DMD: variants seen among roughly 807,000 people sequenced by gnomAD.
DMD encodes the protein mutant dystrophin.
In DMD, 63 loss-of-function variants were observed where a neutral mutation model predicts 330.1. That is an observed-to-expected ratio of 0.19 (90% confidence interval 0.16 to 0.24). The LOEUF (loss-of-function observed/expected upper bound fraction) is 0.24, where lower values mean the gene tolerates loss of function less well. DMD is among the 10% of genes least tolerant of loss of function. DMD has a pLI of 1.00. For synonymous variants in DMD, 1,223 were observed against 959.8 expected (o/e 1.27, Z -5.07); for missense variants, 3,344 against 2,684.1 (o/e 1.25, Z -5.43).
At chrX:32,620,946 C>A (rs1383260992) in intron 11 of DMD, among the ~76,000 whole-genome samples, 1 of 111,408 alleles carries the variant, frequency 9.0e-6, no homozygotes, top group Non-Finnish European at 1.9e-5. Flanking sequence ...CATTAATTTA[C>A]GAAATATACA....
chrX:31,665,545 T>C (rs1238287076), intron 53 of DMD, among the ~76,000 whole-genome samples: 1 of 111,898 alleles, frequency 8.9e-6, no homozygotes, highest in Non-Finnish European at 1.9e-5. Flanking sequence ...ATTAAACCTC[T>C]GACATTACCA....
At chrX:32,647,007 T>C (rs2059824771) in intron 9 of DMD, among the ~76,000 whole-genome samples, 1 of 110,684 alleles carries the variant, frequency 9.0e-6, no homozygotes, top group African/African-American at 3.3e-5. Context: ...CTCTAAATAC[T>C]ATTAATAATA....
chrX:31,842,511 G>GA (rs1232411862), intron 48 of DMD, among the ~76,000 whole-genome samples: 2 of 111,217 alleles, frequency 1.8e-5, no homozygotes, highest in Non-Finnish European at 3.8e-5. Context: ...AATCTTTTGT[G>GA]AAAAAAATCA....
chrX:32,320,596 G>A (rs1271511748), intron 41 of DMD, among the ~76,000 whole-genome samples: 1 of 111,018 alleles, frequency 9.0e-6, no homozygotes, highest in Non-Finnish European at 1.9e-5. Flanking sequence ...TATAGAAAAG[G>A]TTAATACCAA....
chrX:33,143,072 C>T (rs1315522221), intron 1 of DMD, among the ~76,000 whole-genome samples: 2 of 111,514 alleles, frequency 1.8e-5, no homozygotes, highest in Non-Finnish European at 3.8e-5. Context: ...TTTTTATTAT[C>T]ATAATCATCA....
chrX:32,187,448 T>C (rs1351047219), intron 44 of DMD, among the ~76,000 whole-genome samples: 1 of 111,577 alleles, frequency 9.0e-6, no homozygotes, highest in East Asian at 2.8e-4. Flanking sequence ...CCCCAGAAAG[T>C]TGGAGTCACA....
At chrX:33,189,845 T>C (rs759340319) in intron 1 of DMD, among the ~76,000 whole-genome samples, 27 of 112,081 alleles carry the variant, frequency 2.4e-4, no homozygotes, top group Non-Finnish European at 4.3e-4. Flanking sequence ...TCTCTTTAAA[T>C]GAATGAAATT....
chrX:32,018,178 G>T (rs190637469), intron 44 of DMD, among the ~76,000 whole-genome samples: 1 of 111,505 alleles, frequency 9.0e-6, no homozygotes, highest in Non-Finnish European at 1.9e-5. Flanking sequence ...AAGTCAGCAT[G>T]CTTAATACTG....
At chrX:32,571,467 GGTCAACA>G (rs1381960955) in intron 15 of DMD, among the ~76,000 whole-genome samples, 4 of 110,664 alleles carry the variant, frequency 3.6e-5, no homozygotes, top group Non-Finnish European at 7.6e-5. Flanking sequence ...TCAATCTTTT[GGTCAACA>G]TCTTATCCTC....
At chrX:31,890,547 CATT>C (rs774655203) in intron 47 of DMD, among the ~76,000 whole-genome samples, 115 of 111,008 alleles carry the variant, frequency 1.0e-3, no homozygotes, top group Middle Eastern at 4.6e-3. Context: ...AGACCATACT[CATT>C]ATAAAAAAGT....
At chrX:32,571,442 C>A (rs147107022) in intron 15 of DMD, among the ~76,000 whole-genome samples, 15 of 111,429 alleles carry the variant, frequency 1.3e-4, no homozygotes, top group Non-Finnish European at 2.5e-4. Flanking sequence ...ACCACTTTCC[C>A]CTTGTGGTAT....
chrX:32,601,848 C>T (rs2056245433), intron 12 of DMD, among the ~76,000 whole-genome samples: 1 of 111,735 alleles, frequency 8.9e-6, no homozygotes, highest in East Asian at 2.8e-4. Flanking sequence ...TGCATTTTGC[C>T]TGGAAAACAA....
intron 44 of DMD, among the ~76,000 whole-genome samples, chrX:32,027,846 T>C (rs978201380): frequency 3.6e-5 from 4 of 112,548 alleles, no homozygotes; most frequent in Non-Finnish European, 7.5e-5. Flanking sequence ...TTATACAACT[T>C]GTTCTTTCAT....
chrX:31,365,152 CACT>C (rs1366753343), intron 60 of DMD, among the ~76,000 whole-genome samples: 1 of 104,406 alleles, frequency 9.6e-6, no homozygotes, highest in Admixed American at 1.0e-4. Context: ...TATCAATATA[CACT>C]AGTTTCGAGG....
intron 2 of DMD, among the ~76,000 whole-genome samples, chrX:32,911,845 A>G (rs5928109): frequency 0.52 from 57,552 of 110,245 alleles, 11,909 homozygotes; most frequent in African/African-American, 0.72. Context: ...AAGCAGACAC[A>G]AAAAGTCATT....
chrX:32,380,423 T>C, intron 34 of DMD, 87 bp downstream of exon 34: 2 of 846,557 alleles, frequency 2.4e-6, no homozygotes, highest in Non-Finnish European at 3.5e-6. Flanking sequence ...ATAATGCTAT[T>C]ATTGCTACAT....
At chrX:32,815,197 A>T (rs2077636068) in intron 6 of DMD, among the ~76,000 whole-genome samples, 1 of 109,631 alleles carries the variant, frequency 9.1e-6, no homozygotes, top group African/African-American at 3.3e-5. Context: ...CCTGACAAAG[A>T]TGCTTATTTG....
chrX:32,668,804 G>GA (rs1196092617), intron 9 of DMD, among the ~76,000 whole-genome samples: 2 of 109,827 alleles, frequency 1.8e-5, no homozygotes, highest in East Asian at 5.7e-4. Flanking sequence ...CTACGGCATT[G>GA]AAGAGAATTA....
At chrX:31,625,334 G>A (rs1305386065) in intron 55 of DMD, among the ~76,000 whole-genome samples, 1 of 111,782 alleles carries the variant, frequency 8.9e-6, no homozygotes, top group Non-Finnish European at 1.9e-5. Flanking sequence ...AATAAATGTA[G>A]TTTATCACTT....
Sources: gnomAD v4.1 joint callset for allele counts (sites outside exome capture counted in the v4.1 genomes callset) on GRCh38, gnomAD v4.1.1 for gene constraint, MANE v1.5 for transcripts, NCBI Gene and HGNC (gene_info 2026-07-23, HGNC 2026-07-21) for gene names.